Variants in OR8J3 observed in about 807,000 individuals in gnomAD.
The protein encoded by OR8J3 is olfactory receptor family 8 subfamily J member 3.
For missense variants in OR8J3, 418 were observed against 379.8 expected, an observed-to-expected ratio of 1.10 and a Z score of -0.84; for synonymous variants, 170 against 142.6, an observed-to-expected ratio of 1.19 and a Z score of -1.37.
chr11:56,139,527 C>T (rs1312950868), intron 1 of OR8J3, among the ~76,000 whole-genome samples: 6 of 152,066 alleles, frequency 3.9e-5, no homozygotes, highest in Admixed American at 6.6e-5. Context: ...AGGCTATGTT[C>T]GAGCTTCAGA....
rs1215428810 is a variant in OR8J3 at position 56,136,901 on chromosome 11, A to G, written c.818T>C (p.Met273Thr). ...QTNHSLDTDK[M>T]ASVFYTLVIP... is the part of the protein sequence containing the mutation. ...CACCAATGTGTAAAACACAGAAGCC[A>G]TCTTATCAGTATCCAGTGAGTGGTT... Residue 273 changes from methionine to threonine, a missense_variant, in exon 2 of 2, where the codon ATG becomes ACG. By Grantham distance (81) the Met-to-Thr change is moderately conservative (BLOSUM62 -1). Transcript: ENST00000642058. The G allele has an allele frequency of 1.2e-6, 2 of 1,614,162 alleles. No individual in the cohort carries two copies. Among genetic ancestry groups the G allele is most frequent in the African/African-American group, 2.7e-5 (2 of 75,080 alleles).
rs550047479 is a variant in OR8J3 at position 56,137,822 on chromosome 11, G to T, written c.-104C>A. The stretch of plus-strand genomic sequence containing the variant: ...CACTAGATGGCAAGGACAATTCCTG[G>T]GTGTGATCTTCTTGTCATGTATTAA... On this transcript the variant is annotated 5_prime_UTR_variant, in exon 2 of 2. Transcript: ENST00000642058. 1 of 892,524 alleles carries T rather than the reference G, an allele frequency of 1.1e-6. No homozygotes were observed. The highest frequency in any genetic ancestry group is 1.7e-6 in the Non-Finnish European group (1 of 578,476). 55.3% of individuals were successfully genotyped at this position (892,524 alleles called of 1,614,324 possible). A position where few individuals can be genotyped will look rare whatever the true frequency, so the allele number is the denominator to read the frequency against.
chr11:56,137,920 G>T lies in OR8J3; in HGVS notation c.-202C>A. The stretch of plus-strand genomic sequence containing the variant: ...TTGCAATCACTTGGGAGAGAGTAAA[G>T]CAAGTATGGTAAATTTAGTATGGCA... On this transcript the variant is annotated 5_prime_UTR_variant, in exon 2 of 2. Transcript: ENST00000642058. The T allele has an allele frequency of 1.8e-6, 1 of 543,872 alleles. No individual in the cohort carries two copies. The highest frequency in any genetic ancestry group is 3.2e-6 in the Non-Finnish European group (1 of 313,060). 33.7% of individuals were successfully genotyped at this position (543,872 alleles called of 1,614,324 possible).
In OR8J3 at chr11:56,135,925, G is replaced by C. The variant is rs1476150237; in HGVS notation, c.*846C>G. 6.6e-6 allele frequency: 1 copy of C among 151,888 alleles called. No individual in the cohort carries two copies. The highest frequency in any genetic ancestry group is 1.5e-5 in the Non-Finnish European group (1 of 67,888). 9.4% of individuals were successfully genotyped at this position (151,888 alleles called of 1,614,324 possible). A position where few individuals can be genotyped will look rare whatever the true frequency, so the allele number is the denominator to read the frequency against. On this transcript the variant is annotated 3_prime_UTR_variant, in exon 2 of 2. Coordinates refer to ENST00000642058, the MANE Select transcript of OR8J3 (RefSeq NM_001004064.2). ...ATTATAAGTTGTACAATAGGTGTAA[G>C]TGTACACTTACTGATCAAAAACTAT...
rs7936390 is a variant in OR8J3 at position 56,137,356 on chromosome 11, G to A, written c.363C>T (p.Asp121=). The A allele has an allele frequency of 1.2e-6, 2 of 1,614,012 alleles. No individual in the cohort carries two copies. The highest frequency in any genetic ancestry group is 1.7e-6 in the Non-Finnish European group (2 of 1,180,010). Residue 121 remains aspartate, a synonymous_variant, in exon 2 of 2, where the codon GAC becomes GAT. Transcript: ENST00000642058. ...EVMMLAVMAY[D]RYVAICNPLL... Reference sequence around the variant, plus strand: ...GAGGGTTACAAATGGCCACATAGCGGTCATAGGCCATCACAGCCAGCATCA... The same window carrying A: ...GAGGGTTACAAATGGCCACATAGCGATCATAGGCCATCACAGCCAGCATCA...
chr11:56,137,483 G>A lies in OR8J3; in HGVS notation c.236C>T (p.Pro79Leu). ...INLGNSTVIA[P>L]KMLMNFLVKK... ...TACTAAAAAGTTCATCAGCATTTTA[G>A]GGGCAATGACAGTAGAGTTGCCAAG... The change falls in exon 2 of 2, where the codon CCT (proline) becomes CTT (leucine). Residue 79 changes from proline to leucine, a missense_variant. Transcript: ENST00000642058. 1 of 1,614,222 alleles carries A rather than the reference G, an allele frequency of 6.2e-7. No individual in the cohort carries two copies. The highest frequency in any genetic ancestry group is 1.1e-5 in the South Asian group (1 of 91,082).
Position 56,137,625 on chromosome 11 carries a change from G to C in OR8J3, c.94C>G (p.Leu32Val), listed in dbSNP as rs144449114. 2.2e-4 allele frequency: 363 copies of C among 1,614,200 alleles called. 4 individuals are homozygous for C. In the East Asian group the frequency reaches 6.8e-3, roughly 30 times the overall value. ...GCCATGGTCAGCACATAGAGCACTAGGAAGACCAGGAAGAGGGGAATCTGG... is the reference window on the plus strand; with the variant it reads ...GCCATGGTCAGCACATAGAGCACTACGAAGACCAGGAAGAGGGGAATCTGG... ...ELQIPLFLVF[L>V]VLYVLTMAGN... Residue 32 changes from leucine (L) to valine (V), a missense_variant, in exon 2 of 2, where the codon CTA (leucine) becomes GTA (valine). By Grantham distance (32) the Leu-to-Val change is conservative. Coordinates refer to ENST00000642058, the MANE Select transcript of OR8J3 (RefSeq NM_001004064.2).
intron 1 of OR8J3, among the ~76,000 whole-genome samples, chr11:56,139,888 G>A (rs1329188464): frequency 1.3e-5 from 2 of 152,206 alleles, no homozygotes; most frequent in Non-Finnish European, 2.9e-5. Flanking sequence ...TGCCACATCT[G>A]TTCTTCATTC....
rs1051415803 is a variant in OR8J3, at chr11:56,135,891, C to G, written c.*880G>C. ...GGGATATATCCTATAAGTCTGATTA[C>G]TCCTATATATTATAAGTTGTACAAT... On this transcript the variant is annotated 3_prime_UTR_variant, in exon 2 of 2. Coordinates refer to ENST00000642058, the MANE Select transcript of OR8J3 (RefSeq NM_001004064.2). The G allele has an allele frequency of 6.6e-6, 1 of 151,848 alleles. No individual in the cohort carries two copies. Among genetic ancestry groups the G allele is most frequent in the African/African-American group, 2.4e-5 (1 of 41,394 alleles). 9.4% of individuals were successfully genotyped at this position (151,848 alleles called of 1,614,324 possible).
chr11:56,137,324 T>C lies in OR8J3; in HGVS notation c.395A>G (p.Tyr132Cys). The C allele has an allele frequency of 3.7e-6, 6 of 1,613,412 alleles. No individual in the cohort carries two copies. The highest frequency in any genetic ancestry group is 4.2e-6 in the Non-Finnish European group (5 of 1,179,758). ...GAGCCGCCGAGACACCACCACCATG[T>C]AGAGCAGAGGGTTACAAATGGCCAC... Reference protein sequence around the residue: ...RYVAICNPLLYMVVVSRRLCL... With the variant: ...RYVAICNPLLCMVVVSRRLCL... Residue 132 changes from tyrosine (Y) to cysteine (C), a missense_variant, in exon 2 of 2, where the codon TAC (tyrosine) becomes TGC (cysteine). Coordinates refer to ENST00000642058, the MANE Select transcript of OR8J3 (RefSeq NM_001004064.2).
In OR8J3 at chr11:56,137,401, G is replaced by A. The variant is rs1467583886; in HGVS notation, c.318C>T (p.Phe106=). The A allele has an allele frequency of 3.7e-6, 6 of 1,614,116 alleles. No homozygotes were observed. Among genetic ancestry groups the A allele is most frequent in the Admixed American group, 1.7e-5 (1 of 60,014 alleles). The change falls in exon 2 of 2, where the codon TTC becomes TTT. Residue 106 remains phenylalanine (F), a synonymous_variant. Coordinates refer to ENST00000642058, the MANE Select transcript of OR8J3 (RefSeq NM_001004064.2). ...ECATQLGGFL[F]FIVSEVMMLA... is the part of the protein sequence containing the mutation. The stretch of plus-strand genomic sequence containing the variant: ...GCATCATTACCTCCGATACAATAAA[G>A]AACAAGAACCCTCCCAGTTGGGTGG...
Position 56,137,544 on chromosome 11 carries a change from T to C in OR8J3, c.175A>G (p.Met59Val). 4.3e-6 allele frequency: 7 copies of C among 1,614,156 alleles called. No individual in the cohort carries two copies. The highest frequency in any genetic ancestry group is 5.9e-6 in the Non-Finnish European group (7 of 1,180,034). Reference sequence around the variant, plus strand: ...GCTAGATGTCTCAGGAAAAAGTACATGGGGTTTTGAAGTCGAGAGTCAACA... The same window carrying C: ...GCTAGATGTCTCAGGAAAAAGTACACGGGGTTTTGAAGTCGAGAGTCAACA... ...TSVDSRLQNP[M>V]YFFLRHLAII... is the part of the protein sequence containing the mutation. The change falls in exon 2 of 2, where the codon ATG becomes GTG. Residue 59 changes from methionine to valine, a missense_variant. By Grantham distance (21) the Met-to-Val change is conservative. Transcript: ENST00000642058.
In OR8J3 at chr11:56,137,470, C is replaced by A. The variant is rs142082643; in HGVS notation, c.249G>T (p.Met83Ile). The change falls in exon 2 of 2, where the codon ATG (methionine) becomes ATT (isoleucine). Residue 83 changes from methionine (M) to isoleucine (I), a missense_variant. By Grantham distance (10) the Met-to-Ile change is conservative. Transcript: ENST00000642058. ...NSTVIAPKML[M>I]NFLVKKKTTS... ...TAGTTTTCTTCTTTACTAAAAAGTT[C>A]ATCAGCATTTTAGGGGCAATGACAG... The A allele has an allele frequency of 1.0e-4, 161 of 1,614,182 alleles. No homozygotes were observed. In the Middle Eastern group the frequency reaches 2.0e-3, roughly 20 times the overall value.
Position 56,137,885 on chromosome 11 carries a change from T to C in OR8J3, c.-167A>G. On this transcript the variant is annotated 5_prime_UTR_variant, in exon 2 of 2. Coordinates refer to ENST00000642058, the MANE Select transcript of OR8J3 (RefSeq NM_001004064.2). ...ATTAAACTCAGTATTCTCAGTCTAA[T>C]AAATCAGCTTTGCAATCACTTGGGA... 1.6e-6 allele frequency: 1 copy of C among 613,952 alleles called. No homozygotes were observed. Among genetic ancestry groups the C allele is most frequent in the Non-Finnish European group, 2.8e-6 (1 of 360,766 alleles). 38.0% of individuals were successfully genotyped at this position (613,952 alleles called of 1,614,324 possible).
In OR8J3 at chr11:56,137,014, T is replaced by C; in HGVS notation, c.705A>G (p.Lys235=). The C allele has an allele frequency of 6.2e-7, 1 of 1,613,742 alleles. No individual in the cohort carries two copies. Among genetic ancestry groups the C allele is most frequent in the East Asian group, 2.2e-5 (1 of 44,872 alleles). The change falls in exon 2 of 2, where the codon AAA becomes AAG. Residue 235 remains lysine, a synonymous_variant. Transcript: ENST00000642058. ...ILRIRSPEGR[K]KAFSTCASHM... ...GCGAAGCGCAGGTGGAAAAGGCTTT[T>C]TTCCTTCCTTCTGGTGAACGTATCC...
chr11:56,134,951 A>T lies in OR8J3; in HGVS notation c.*1820T>A, dbSNP rs1165752679. The T allele has an allele frequency of 2.0e-5, 3 of 152,058 alleles. No homozygotes were observed. Among genetic ancestry groups the T allele is most frequent in the Non-Finnish European group, 4.4e-5 (3 of 67,904 alleles). 9.4% of individuals were successfully genotyped at this position (152,058 alleles called of 1,614,324 possible). ...ATTTATTATCGCACTAGGTAAACCA[A>T]TGATTTTTCAACTGATAAACTTTCA... On this transcript the variant is annotated 3_prime_UTR_variant, in exon 2 of 2. Coordinates refer to ENST00000642058, the MANE Select transcript of OR8J3 (RefSeq NM_001004064.2).
Position 56,137,416 on chromosome 11 carries a change from C to T in OR8J3, c.303G>A (p.Leu101=), listed in dbSNP as rs768683469. Residue 101 remains leucine (L), a synonymous_variant, in exon 2 of 2, where the codon CTG becomes CTA. Transcript: ENST00000642058. ...TTSFYECATQ[L]GGFLFFIVSE... is the part of the protein sequence containing the mutation. The stretch of plus-strand genomic sequence containing the variant: ...ATACAATAAAGAACAAGAACCCTCC[C>T]AGTTGGGTGGCACATTCATAGAATG... The T allele has an allele frequency of 1.9e-6, 3 of 1,614,166 alleles. No individual in the cohort carries two copies. The highest frequency in any genetic ancestry group is 2.5e-6 in the Non-Finnish European group (3 of 1,180,040).
In OR8J3 at chr11:56,136,846, G is replaced by A. The variant is rs753728940; in HGVS notation, c.873C>T (p.Ser291=). The A allele has an allele frequency of 1.9e-6, 3 of 1,612,764 alleles. No individual in the cohort carries two copies. Among genetic ancestry groups the A allele is most frequent in the Non-Finnish European group, 2.5e-6 (3 of 1,179,496 alleles). The change falls in exon 2 of 2, where the codon AGC becomes AGT. Residue 291 remains serine, a synonymous_variant. Coordinates refer to ENST00000642058, the MANE Select transcript of OR8J3 (RefSeq NM_001004064.2). ...CAACATTTACATCATTATTCCTCAG[G>A]CTGTAGATCAAGGGATTCAGCATAG... ...VIPMLNPLIY[S]LRNNDVNVAL...
Position 56,137,876 on chromosome 11 carries a change from T to G in OR8J3, c.-158A>C. 1.6e-6 allele frequency: 1 copy of G among 629,488 alleles called. No individual in the cohort carries two copies. The highest frequency in any genetic ancestry group is 2.7e-6 in the Non-Finnish European group (1 of 372,298). 39.0% of individuals were successfully genotyped at this position (629,488 alleles called of 1,614,324 possible). The stretch of plus-strand genomic sequence containing the variant: ...AATTCAGTTATTAAACTCAGTATTC[T>G]CAGTCTAATAAATCAGCTTTGCAAT... On this transcript the variant is annotated 5_prime_UTR_variant, in exon 2 of 2. Transcript: ENST00000642058.
Sources: allele counts gnomAD v4.1 joint callset (sites outside exome capture counted in the v4.1 genomes callset), GRCh38; gene constraint gnomAD v4.1.1; transcripts MANE v1.5; gene names NCBI Gene and HGNC (gene_info 2026-07-23, HGNC 2026-07-21).